PLEKHM3: variants seen among roughly 807,000 people sequenced by gnomAD.
PLEKHM3 encodes pleckstrin homology domain containing M3, also known as pleckstrin homology domain-containing family M member 3.
PLEKHM3 carries 45 observed loss-of-function variants against 81.8 expected under a neutral mutation model. The ratio of observed to expected loss-of-function variants is 0.55; its 90% CI spans 0.43 to 0.71. The LOEUF (loss-of-function observed/expected upper bound fraction) is 0.71. PLEKHM3 is among the 30% of genes least tolerant of loss of function. The pLI, the probability that PLEKHM3 is intolerant of heterozygous loss-of-function variation, is 0.00. For missense variants in PLEKHM3, 788 were observed against 924.3 expected (o/e 0.85, Z 1.91); for synonymous variants, 352 against 356.4 (o/e 0.99, Z 0.14).
intron 6 of PLEKHM3, among the ~76,000 whole-genome samples, chr2:207,906,682 G>C (rs951975720): frequency 6.6e-6 from 1 of 152,112 alleles, no homozygotes; most frequent in Non-Finnish European, 1.5e-5. Context: ...CCAGCTACAC[G>C]GGAGGCTGAG....
rs1691336899 is a variant in PLEKHM3 at position 207,977,009 on chromosome 2, C to T, written c.1188G>A (p.Lys396=). 6.2e-7 allele frequency: 1 copy of T among 1,614,242 alleles called. No individual in the cohort carries two copies. The highest frequency in any genetic ancestry group is 8.5e-7 in the Non-Finnish European group (1 of 1,180,046). ...RAYLMAFQPG[K]LDEDPLLSYN... ...AGCTCAACAGTGGATCCTCGTCTAG[C>T]TTGCCAGGCTGAAAAGCCATAAGGT... The change falls in exon 3 of 8, where the codon AAG becomes AAA. Residue 396 remains lysine, a synonymous_variant. Coordinates refer to ENST00000427836, the MANE Select transcript of PLEKHM3 (RefSeq NM_001080475.3).
intron 7 of PLEKHM3, among the ~76,000 whole-genome samples, chr2:207,838,468 G>T (rs1384439090): frequency 6.6e-6 from 1 of 152,168 alleles, no homozygotes; most frequent in Non-Finnish European, 1.5e-5. Context: ...GTAAATAAGG[G>T]TTAATTAATT....
At chr2:207,902,311 T>TG (rs1312184419) in intron 6 of PLEKHM3, among the ~76,000 whole-genome samples, 4 of 152,200 alleles carry the variant, frequency 2.6e-5, no homozygotes, top group Non-Finnish European at 4.4e-5. Context: ...GTTTGTTTGG[T>TG]GGGGCAGGGC....
At chr2:207,831,114 G>A (rs1373936501) in intron 7 of PLEKHM3, among the ~76,000 whole-genome samples, 1 of 152,234 alleles carries the variant, frequency 6.6e-6, no homozygotes, top group African/African-American at 2.4e-5. Flanking sequence ...AGTGCTTAGT[G>A]AACAGCAAGG....
intron 2 of PLEKHM3, 121 bp downstream of exon 2, chr2:208,000,909 A>T: frequency 1.0e-6 from 1 of 972,668 alleles, no homozygotes; most frequent in Non-Finnish European, 1.5e-6. Context: ...ATTAAGAGAG[A>T]CAAAGGAAAA....
Position 207,931,132 on chromosome 2 carries a change from C to T in PLEKHM3, c.1693-13G>A. The T allele has an allele frequency of 6.3e-7, 1 of 1,595,554 alleles. No individual in the cohort carries two copies. Among genetic ancestry groups the T allele is most frequent in the Non-Finnish European group, 8.6e-7 (1 of 1,167,732 alleles). On this transcript the variant is annotated splice_polypyrimidine_tract_variant and intron_variant, in intron 4 of 7. Transcript: ENST00000427836. ...CCTGCTTCGACACCTACAAAACAAGCGTCGTCAGTCAGTCCTGGAGAAGCA... is the reference window on the plus strand; with the variant it reads ...CCTGCTTCGACACCTACAAAACAAGTGTCGTCAGTCAGTCCTGGAGAAGCA...
intron 7 of PLEKHM3, among the ~76,000 whole-genome samples, chr2:207,842,904 A>C (rs2092362408): frequency 6.6e-6 from 1 of 152,166 alleles, no homozygotes; most frequent in Non-Finnish European, 1.5e-5. Flanking sequence ...AGCCAATGTG[A>C]GCTTCTTAGG....
At chr2:207,859,166 T>A (rs1471357928) in intron 7 of PLEKHM3, among the ~76,000 whole-genome samples, 5 of 150,214 alleles carry the variant, frequency 3.3e-5, no homozygotes, top group African/African-American at 1.2e-4. Context: ...AGATGGAGTT[T>A]CACTTTTGTT....
intron 1 of PLEKHM3, among the ~76,000 whole-genome samples, chr2:208,005,831 G>A (rs746833779): frequency 2.0e-4 from 31 of 152,174 alleles, no homozygotes; most frequent in Admixed American, 6.5e-5. Flanking sequence ...ATGTGCATGC[G>A]TTGAACAAAT....
chr2:207,997,610 T>C lies in PLEKHM3; in HGVS notation c.610+3420A>G, dbSNP rs1268278940. On this transcript the variant is annotated intron_variant, in intron 2 of 7. Transcript: ENST00000427836. ...AATCCACTGAGGAAATTTTATTTCTTCTGAGGAGCCCCCAGCCTCTCATTA... is the reference window on the plus strand; with the variant it reads ...AATCCACTGAGGAAATTTTATTTCTCCTGAGGAGCCCCCAGCCTCTCATTA... Among the ~76,000 whole-genome samples the C allele has an allele frequency of 3.3e-5, 5 of 152,346 alleles. No individual in the cohort carries two copies. The South Asian group carries it at 8.3e-4, about 25-fold the overall frequency.
intron 7 of PLEKHM3, among the ~76,000 whole-genome samples, chr2:207,850,171 T>C (rs2092405160): frequency 6.6e-6 from 1 of 152,194 alleles, no homozygotes; most frequent in African/African-American, 2.4e-5. Context: ...GATTAATCCA[T>C]TTTAACGACC....
At chr2:207,977,655 A>T in intron 2 of PLEKHM3, 69 bp from the exon 3 acceptor site, 2 of 1,384,170 alleles carry the variant, frequency 1.4e-6, no homozygotes, top group South Asian at 1.4e-5. Flanking sequence ...AAGAAACCAC[A>T]CAGATCAGGG....
chr2:207,968,275 G>A (rs942731714), intron 3 of PLEKHM3, among the ~76,000 whole-genome samples: 2 of 151,990 alleles, frequency 1.3e-5, no homozygotes, highest in Admixed American at 6.6e-5. Flanking sequence ...ACCTACTACA[G>A]CATGAACACA....
chr2:207,879,691 C>T (rs1188912167), intron 6 of PLEKHM3, among the ~76,000 whole-genome samples: 1 of 152,170 alleles, frequency 6.6e-6, no homozygotes, highest in African/African-American at 2.4e-5. Context: ...GATTCCTGAG[C>T]TCCTGGGACA....
intron 3 of PLEKHM3, among the ~76,000 whole-genome samples, chr2:207,962,992 A>G (rs1329400102): frequency 6.6e-6 from 1 of 151,996 alleles, no homozygotes. Flanking sequence ...AATAGGGAAC[A>G]TGTTAACTGT....
chr2:207,844,383 A>G (rs1199795757), intron 7 of PLEKHM3, among the ~76,000 whole-genome samples: 1 of 149,996 alleles, frequency 6.7e-6, no homozygotes, highest in Admixed American at 6.6e-5. Flanking sequence ...GCTCACTGCA[A>G]GCTCCGCCTC....
At chr2:207,950,916 C>T (rs1007920091) in intron 3 of PLEKHM3, among the ~76,000 whole-genome samples, 32 of 152,242 alleles carry the variant, frequency 2.1e-4, no homozygotes, top group Non-Finnish European at 4.1e-4. Flanking sequence ...AACGTTTAAC[C>T]CCCAAATCCA....
intron 2 of PLEKHM3, among the ~76,000 whole-genome samples, chr2:207,978,279 G>T (rs1691392155): frequency 6.6e-6 from 1 of 151,876 alleles, no homozygotes; most frequent in African/African-American, 2.4e-5. Context: ...ATCACGCTTT[G>T]CCAGGGTTCC....
intron 2 of PLEKHM3, among the ~76,000 whole-genome samples, chr2:207,985,230 C>T (rs2106053782): frequency 6.6e-6 from 1 of 151,580 alleles, no homozygotes; most frequent in African/African-American, 2.4e-5. Flanking sequence ...CCTAGATCTT[C>T]CTTCGTCTCT....
Sources: allele counts gnomAD v4.1 joint callset (sites outside exome capture counted in the v4.1 genomes callset), GRCh38; gene constraint gnomAD v4.1.1; transcripts MANE v1.5; gene names NCBI Gene and HGNC (gene_info 2026-07-23, HGNC 2026-07-21).